Variants in CDH17 observed in about 807,000 individuals in gnomAD.
CDH17 encodes cadherin-17.
Under a neutral mutation model 86.3 loss-of-function variants are expected in CDH17, and 67 were observed. The observed-to-expected ratio is 0.78, with a 90% CI of 0.64 to 0.95. CDH17 has a LOEUF of 0.95. CDH17 is among the 40% of genes least tolerant of loss of function. The pLI, the probability that CDH17 is intolerant of heterozygous loss-of-function variation, is 0.00. For missense variants in CDH17, 993 were observed against 1,017.6 expected, an observed-to-expected ratio of 0.98 and a Z score of 0.33; for synonymous variants, 367 against 366.4, an observed-to-expected ratio of 1.00 and a Z score of -0.02.
intron 15 of CDH17, among the ~76,000 whole-genome samples, chr8:94,132,295 C>G (rs1812436458): frequency 6.6e-6 from 1 of 152,190 alleles, no homozygotes. Context: ...CTCCCACCAA[C>G]AGTGTAAAAG....
intron 1 of CDH17, among the ~76,000 whole-genome samples, chr8:94,205,562 T>C (rs1280144475): frequency 6.6e-6 from 1 of 152,210 alleles, no homozygotes; most frequent in East Asian, 1.9e-4. Flanking sequence ...TGCTTAAGTA[T>C]GGCAGGTTCA....
intron 2 of CDH17, 34 bp downstream of exon 2, chr8:94,194,600 GT>G: frequency 7.0e-7 from 1 of 1,432,194 alleles, no homozygotes; most frequent in Non-Finnish European, 9.8e-7. Context: ...AAATATTCTA[GT>G]AAACAAATAG....
intron 1 of CDH17, among the ~76,000 whole-genome samples, chr8:94,199,071 ATATATATATATAT>A (rs1340586826): frequency 3.7e-4 from 6 of 16,304 alleles, no homozygotes; most frequent in African/African-American, 6.2e-4. Flanking sequence ...ATATATATAT[ATATATATATATAT>A]TTTTTTTTTT....
intron 2 of CDH17, among the ~76,000 whole-genome samples, chr8:94,191,205 G>A (rs1255659975): frequency 1.3e-5 from 2 of 152,098 alleles, no homozygotes; most frequent in Non-Finnish European, 2.9e-5. Flanking sequence ...TGTGACTCTT[G>A]CTGAGACAAT....
intron 12 of CDH17, among the ~76,000 whole-genome samples, chr8:94,156,154 G>T (rs1331791200): frequency 6.6e-6 from 1 of 152,262 alleles, no homozygotes; most frequent in Non-Finnish European, 1.5e-5. Context: ...TTCCTTTTGT[G>T]CACAAAACCG....
At chr8:94,131,046 G>T in intron 15 of CDH17, 54 bp from the exon 16 acceptor site, 1 of 922,158 alleles carries the variant, frequency 1.1e-6, no homozygotes, top group East Asian at 2.4e-5. Flanking sequence ...TGGATTAGCA[G>T]GAATAAAGCT....
chr8:94,185,304 CACACACACA>C (rs750923450), intron 3 of CDH17, among the ~76,000 whole-genome samples: 1 of 151,866 alleles, frequency 6.6e-6, no homozygotes, highest in Non-Finnish European at 1.5e-5. Context: ...CACACACACA[CACACACACA>C]CCCCTGTAAA....
chr8:94,129,727 G>T (rs990349704), intron 17 of CDH17, among the ~76,000 whole-genome samples: 7 of 152,088 alleles, frequency 4.6e-5, no homozygotes, highest in African/African-American at 1.7e-4. Context: ...TCTCAAATCT[G>T]AAACTTTTGG....
Position 94,189,815 on chromosome 8 carries a change from G to A in CDH17, c.52-530C>T, listed in dbSNP as rs187105238. On this transcript the variant is annotated intron_variant, in intron 2 of 17. Coordinates refer to ENST00000027335, the MANE Select transcript of CDH17 (RefSeq NM_004063.4). ...CAAAGTTTGCTTGGCACAGTTACAC[G>A]GTAAGTTTTAGCCAAATTTGAATCT... Among the ~76,000 whole-genome samples the A allele has an allele frequency of 2.1e-3, 322 of 152,272 alleles. 3 individuals are homozygous for A. The highest frequency in any genetic ancestry group is 6.8e-3 in the African/African-American group (281 of 41,534).
chr8:94,128,197 G>T lies in CDH17; in HGVS notation c.*43C>A. ...GTAATAGGATGAGATGGTTGTTGCTGAAATAGCACTTGCTATATAAATTCA... is the reference window on the plus strand; with the variant it reads ...GTAATAGGATGAGATGGTTGTTGCTTAAATAGCACTTGCTATATAAATTCA... On this transcript the variant is annotated 3_prime_UTR_variant, in exon 18 of 18. Transcript: ENST00000027335. The T allele has an allele frequency of 8.0e-7, 1 of 1,250,244 alleles. No homozygotes were observed. The highest frequency in any genetic ancestry group is 1.2e-6 in the Non-Finnish European group (1 of 852,330). The allele number at this position is 1,250,244 out of a possible 1,614,324, so 77.4% of individuals were successfully genotyped here.
At chr8:94,215,783 G>A (rs561496354) in intron 1 of CDH17, among the ~76,000 whole-genome samples, 1 of 151,802 alleles carries the variant, frequency 6.6e-6, no homozygotes, top group South Asian at 2.1e-4. Flanking sequence ...CCTCGGTCTA[G>A]GCCCTTCAGA....
chr8:94,211,020 CAAAAAA>C (rs59090058), upstream of CDH17, among the ~76,000 whole-genome samples: 1 of 91,910 alleles, frequency 1.1e-5, no homozygotes, highest in Non-Finnish European at 2.4e-5. Flanking sequence ...GACTGCATCT[CAAAAAA>C]AAAAAAAAAA....
chr8:94,197,069 AC>A (rs1167612939), intron 1 of CDH17, among the ~76,000 whole-genome samples: 1 of 151,936 alleles, frequency 6.6e-6, no homozygotes, highest in African/African-American at 2.4e-5. Flanking sequence ...CCACTCGGGC[AC>A]CCCCCTCTAT....
intron 1 of CDH17, among the ~76,000 whole-genome samples, chr8:94,205,098 A>G (rs528653308): frequency 6.6e-6 from 1 of 152,348 alleles, no homozygotes; most frequent in Admixed American, 6.5e-5. Context: ...GTAGCCAGGA[A>G]GAATTTCAGC....
chr8:94,191,029 A>T (rs1813678428), intron 2 of CDH17, among the ~76,000 whole-genome samples: 1 of 152,170 alleles, frequency 6.6e-6, no homozygotes, highest in African/African-American at 2.4e-5. Flanking sequence ...CACCACAGAG[A>T]CCGGTAAACC....
At chr8:94,192,771 A>G (rs1160463082) in intron 2 of CDH17, among the ~76,000 whole-genome samples, 1 of 152,142 alleles carries the variant, frequency 6.6e-6, no homozygotes, top group African/African-American at 2.4e-5. Flanking sequence ...CCTGTTCAGT[A>G]CCATTTCCCA....
In CDH17 at chr8:94,207,811, G is replaced by A. The variant is rs1392362989; in HGVS notation, c.-21+672C>T. Among the ~76,000 whole-genome samples, 3 of 152,270 alleles carry A rather than the reference G, an allele frequency of 2.0e-5. No individual in the cohort carries two copies. The East Asian group carries it at 5.8e-4, about 29-fold the overall frequency. ...CATTGAAGATACCAATAAGCTGTGT[G>A]TGGCTTAACATAAAAATAACCACAC... On this transcript the variant is annotated intron_variant, in intron 1 of 17. Transcript: ENST00000027335.
Position 94,127,921 on chromosome 8 carries a change from C to T in CDH17, c.*319G>A, listed in dbSNP as rs944268312. 46 of 250,616 alleles carry T rather than the reference C, an allele frequency of 1.8e-4. No homozygotes were observed. The highest frequency in any genetic ancestry group is 1.1e-3 in the South Asian group (21 of 18,758). 15.5% of individuals were successfully genotyped at this position (250,616 alleles called of 1,614,324 possible). ...CCAGCCTGGCCAAATGGCGAAACCCCGTCTCTATTAAAAATACAAAAATTA... is the reference window on the plus strand; with the variant it reads ...CCAGCCTGGCCAAATGGCGAAACCCTGTCTCTATTAAAAATACAAAAATTA... On this transcript the variant is annotated 3_prime_UTR_variant, in exon 18 of 18. Transcript: ENST00000027335.
intron 10 of CDH17, among the ~76,000 whole-genome samples, chr8:94,162,446 C>T (rs1813073502): frequency 6.6e-6 from 1 of 152,274 alleles, no homozygotes; most frequent in South Asian, 2.1e-4. Context: ...AAGGTTTGTT[C>T]CTGAGCAGGA....
Sources: gnomAD v4.1 joint callset for allele counts (sites outside exome capture counted in the v4.1 genomes callset) on GRCh38, gnomAD v4.1.1 for gene constraint, MANE v1.5 for transcripts, NCBI Gene and HGNC (gene_info 2026-07-23, HGNC 2026-07-21) for gene names.